The following OCA2 variants were observed in gnomAD, a reference collection of about 807,000 sequenced individuals.
OCA2 encodes P protein.
OCA2 carries 77 observed loss-of-function variants against 100.2 expected under a neutral mutation model. The ratio of observed to expected loss-of-function variants is 0.77; its 90% CI spans 0.64 to 0.93. The LOEUF (loss-of-function observed/expected upper bound fraction) is 0.93. OCA2 is among the 40% of genes least tolerant of loss of function. The probability of loss-of-function intolerance (pLI) is 0.00; values close to 1 mark genes in which losing one functional copy is unlikely to be tolerated. For missense variants in OCA2, 1,062 were observed against 1,089.1 expected, an observed-to-expected ratio of 0.98 and a Z score of 0.35; for synonymous variants, 432 against 439.2, an observed-to-expected ratio of 0.98 and a Z score of 0.21.
At chr15:28,048,993 C>T (rs117729381) in intron 2 of OCA2, among the ~76,000 whole-genome samples, 1 of 152,070 alleles carries the variant, frequency 6.6e-6, no homozygotes, top group East Asian at 1.9e-4. Flanking sequence ...CAGAGCAACA[C>T]CCTGTCTCAA....
chr15:27,908,502 C>T (rs1370816121), intron 19 of OCA2, among the ~76,000 whole-genome samples: 5 of 152,182 alleles, frequency 3.3e-5, no homozygotes, highest in Admixed American at 6.5e-5. Flanking sequence ...CAAGACCATC[C>T]TGACACTTGG....
At chr15:27,970,039 T>A (rs998463436) in intron 14 of OCA2, among the ~76,000 whole-genome samples, 1 of 152,008 alleles carries the variant, frequency 6.6e-6, no homozygotes, top group African/African-American at 2.4e-5. Flanking sequence ...ACTGCAGGAA[T>A]GCGTGTGGGC....
Position 27,795,991 on chromosome 15 carries a change from GTT to G in OCA2, c.2433-40521_2433-40520del, listed in dbSNP as rs1055687602. Reference sequence around the variant, plus strand: ...ATCAATAGTTGTTCTCAAGCACATTGTTTTTGTGCTTTCAGCAGCATCATAAT... The same window carrying G: ...ATCAATAGTTGTTCTCAAGCACATTGTTTGTGCTTTCAGCAGCATCATAAT... On this transcript the variant is annotated intron_variant, in intron 23 of 23. Coordinates refer to ENST00000354638, the MANE Select transcript of OCA2 (RefSeq NM_000275.3). 5.9e-5 allele frequency among the ~76,000 whole-genome samples: 9 copies of G among 152,348 alleles called. No individual in the cohort carries two copies. In the East Asian group the frequency reaches 1.4e-3, roughly 23 times the overall value.
chr15:27,825,663 T>C (rs1245644487), intron 23 of OCA2, among the ~76,000 whole-genome samples: 1 of 152,162 alleles, frequency 6.6e-6, no homozygotes. Flanking sequence ...TAGGGTGATG[T>C]CCCCGGCCTC....
chr15:27,979,614 GA>G (rs1453978266), intron 14 of OCA2, among the ~76,000 whole-genome samples: 1 of 151,624 alleles, frequency 6.6e-6, no homozygotes, highest in Non-Finnish European at 1.5e-5. Flanking sequence ...GGTTGCTTTA[GA>G]GTTTATCATA....
At chr15:27,884,038 AT>A (rs993962858) in intron 19 of OCA2, among the ~76,000 whole-genome samples, 3 of 152,230 alleles carry the variant, frequency 2.0e-5, no homozygotes, top group Non-Finnish European at 4.4e-5. Context: ...TAGAAAGACT[AT>A]CAAAATTAGT....
intron 2 of OCA2, among the ~76,000 whole-genome samples, chr15:28,054,179 T>C (rs907282400): frequency 6.6e-6 from 1 of 152,060 alleles, no homozygotes; most frequent in African/African-American, 2.4e-5. Context: ...GGTATATGTG[T>C]GTATGGGTAT....
chr15:28,037,371 C>A (rs924563431), intron 2 of OCA2, among the ~76,000 whole-genome samples: 14 of 152,072 alleles, frequency 9.2e-5, no homozygotes, highest in African/African-American at 3.4e-4. Flanking sequence ...GAAAACCAAG[C>A]TGAGCAATGA....
chr15:27,747,209 A>G, the OCA2 span, among the ~76,000 whole-genome samples: 1 of 152,184 alleles, frequency 6.6e-6, no homozygotes, highest in African/African-American at 2.4e-5. Flanking sequence ...CAGGTGAGGT[A>G]TGGCTGTGAC....
chr15:27,844,105 T>A (rs1440897273), intron 23 of OCA2, among the ~76,000 whole-genome samples: 1 of 152,180 alleles, frequency 6.6e-6, no homozygotes, highest in African/African-American at 2.4e-5. Flanking sequence ...CAATGTGCAG[T>A]GTGCTACTCA....
intron 23 of OCA2, among the ~76,000 whole-genome samples, chr15:27,801,545 G>A (rs1319900699): frequency 1.2e-5 from 1 of 83,292 alleles, no homozygotes; most frequent in African/African-American, 6.1e-5. Context: ...AGTGAGACTC[G>A]GTCTCAAAAA....
chr15:27,796,087 T>C (rs1380765239), intron 23 of OCA2, among the ~76,000 whole-genome samples: 2 of 152,246 alleles, frequency 1.3e-5, no homozygotes, highest in African/African-American at 2.4e-5. Context: ...GAAAAGAAGA[T>C]GCTCCAGCCA....
the OCA2 span, among the ~76,000 whole-genome samples, chr15:27,721,565 C>T: frequency 5.3e-5 from 8 of 152,122 alleles, no homozygotes; most frequent in African/African-American, 1.4e-4. Context: ...AAATACTACT[C>T]CTTTACTACC....
At chr15:27,942,937 T>C (rs895917564) in intron 18 of OCA2, among the ~76,000 whole-genome samples, 1 of 152,230 alleles carries the variant, frequency 6.6e-6, no homozygotes, top group Non-Finnish European at 1.5e-5. Flanking sequence ...TGATGAAAAT[T>C]AGAATAGAGC....
chr15:28,018,646 G>A (rs991606745), intron 6 of OCA2, 89 bp from the exon 7 acceptor site: 1 of 1,291,972 alleles, frequency 7.7e-7, no homozygotes, highest in Non-Finnish European at 1.1e-6. Context: ...CTCTGACAGT[G>A]TGTGAAGAAA....
the OCA2 span, among the ~76,000 whole-genome samples, chr15:27,722,670 T>C: frequency 6.9e-6 from 1 of 144,974 alleles, no homozygotes; most frequent in African/African-American, 2.8e-5. Flanking sequence ...TTCTTTCCTT[T>C]CTTTTCTTTC....
intron 9 of OCA2, 80 bp from the exon 10 acceptor site, chr15:27,990,727 G>A: frequency 8.2e-7 from 1 of 1,218,308 alleles, no homozygotes; most frequent in Admixed American, 1.7e-5. Context: ...GGACATGAGG[G>A]GGTCTATATC....
intron 19 of OCA2, among the ~76,000 whole-genome samples, chr15:27,916,579 G>A (rs1311621262): frequency 6.6e-6 from 1 of 152,140 alleles, no homozygotes; most frequent in African/African-American, 2.4e-5. Context: ...TAACTTTGAA[G>A]CCCTTCTAAA....
At chr15:27,864,224 AACTCT>A (rs1432969767) in intron 21 of OCA2, among the ~76,000 whole-genome samples, 7 of 152,028 alleles carry the variant, frequency 4.6e-5, no homozygotes, top group African/African-American at 1.7e-4. Flanking sequence ...CTGTTTCTCT[AACTCT>A]AGCACCTCCT....
Sources: gnomAD v4.1 joint callset for allele counts (sites outside exome capture counted in the v4.1 genomes callset) on GRCh38, gnomAD v4.1.1 for gene constraint, MANE v1.5 for transcripts, NCBI Gene and HGNC (gene_info 2026-07-23, HGNC 2026-07-21) for gene names.